The following NBL1 variants were observed in gnomAD, a reference collection of about 807,000 sequenced individuals.
The protein encoded by NBL1 is NBL1, DAN family BMP antagonist, also known as neuroblastoma suppressor of tumorigenicity 1.
A neutral mutation model predicts 16.0 loss-of-function variants in NBL1; 9 were observed. That is an observed-to-expected ratio of 0.56 (90% CI 0.34 to 0.98). NBL1 has a LOEUF of 0.98. Among genes scored for constraint, NBL1 ranks in the 50% least tolerant of loss-of-function variants. NBL1 has a pLI of 0.02. For synonymous variants in NBL1, 86 were observed against 100.7 expected (o/e 0.85, Z 0.87); for missense variants, 196 against 243.1 (o/e 0.81, Z 1.29).
chr1:19,647,688 C>T (rs775799812), intron 1 of NBL1: 1 of 985,242 alleles, frequency 1.0e-6, no homozygotes, highest in Non-Finnish European at 1.2e-6. Flanking sequence ...CGTCCGTCTC[C>T]ATCAGCTGGG....
rs771510556 is a variant in NBL1 at position 19,655,081 on chromosome 1, T to C, written c.51T>C (p.Ala17=). 8 of 1,613,082 alleles carry C rather than the reference T, an allele frequency of 5.0e-6. No homozygotes were observed. Among genetic ancestry groups the C allele is most frequent in the Non-Finnish European group, 6.8e-6 (8 of 1,179,950 alleles). ...CTGTCCTCCCTGCCATGCTACTGGCTGCCCCACCACCCATCAACAAGCTGG... is the reference window on the plus strand; with the variant it reads ...CTGTCCTCCCTGCCATGCTACTGGCCGCCCCACCACCCATCAACAAGCTGG... ...VGAVLPAMLL[A]APPPINKLAL... Residue 17 remains alanine (A), a synonymous_variant, in exon 2 of 4, where the codon GCT becomes GCC. Coordinates refer to ENST00000375136, the MANE Select transcript of NBL1 (RefSeq NM_005380.8).
chr1:19,647,757 GGAGA>G, intron 1 of NBL1: 6 of 773,174 alleles, frequency 7.8e-6, no homozygotes, highest in South Asian at 5.9e-5. Context: ...AGATGGGGAG[GGAGA>G]GCCCTGCCCT....
Position 19,657,094 on chromosome 1 carries a change from G to GC in NBL1, c.517dup (p.His173ProfsTer8). The GC allele has an allele frequency of 2.0e-6, 3 of 1,510,050 alleles. No homozygotes were observed. Among genetic ancestry groups the GC allele is most frequent in the Non-Finnish European group, 2.7e-6 (3 of 1,121,128 alleles). The allele number at this position is 1,510,050 out of a possible 1,614,324, so 93.5% of individuals were successfully genotyped here. A position where few individuals can be genotyped will look rare whatever the true frequency, so the allele number is the denominator to read the frequency against. ...CCCTGAGCCCGAGGACCCCCCTGGG[G>GC]CCCCCCACACAGAGGAAGAGGGGGC... is the stretch of plus-strand genomic sequence containing the variant. On this transcript the variant is annotated frameshift_variant, in exon 4 of 4. Coordinates refer to ENST00000375136, the MANE Select transcript of NBL1 (RefSeq NM_005380.8). LOFTEE classifies it high-confidence loss of function.
intron 1 of NBL1, chr1:19,647,804 C>T (rs183178340): frequency 1.9e-5 from 7 of 377,364 alleles, no homozygotes; most frequent in African/African-American, 8.8e-5. Flanking sequence ...CTGCCCTCCA[C>T]GGCTCTGCAC....
upstream of NBL1, chr1:19,643,413 A>G: frequency 6.2e-7 from 1 of 1,613,294 alleles, no homozygotes; most frequent in South Asian, 1.1e-5. The surrounding 1 kb of genome is among the most constrained non-coding windows in gnomAD (Gnocchi z 4.7). Context: ...TATGCTGTAA[A>G]GCAAAATCCC....
chr1:19,644,946 C>T lies in NBL1; in HGVS notation c.-20+500C>T, dbSNP rs543103269. Among the ~76,000 whole-genome samples the T allele has an allele frequency of 8.6e-4, 131 of 152,310 alleles. No individual in the cohort carries two copies. The highest frequency in any genetic ancestry group is 3.0e-3 in the African/African-American group (125 of 41,586). On this transcript the variant is annotated intron_variant, in intron 1 of 3. Coordinates refer to ENST00000375136, the MANE Select transcript of NBL1 (RefSeq NM_005380.8). This position sits in a 1 kb window ranked among gnomAD's most constrained non-coding sequence, Gnocchi z 4.6. Reference sequence around the variant, plus strand: ...GCCGCTCACTTTCCCCTGGTCTGCCCGTCTCTTTCCGTTCCCCGCCTGCCT... The same window carrying T: ...GCCGCTCACTTTCCCCTGGTCTGCCTGTCTCTTTCCGTTCCCCGCCTGCCT...
rs1157339293 is a variant in NBL1 at position 19,657,936 on chromosome 1, G to C, written c.*807G>C. 6.5e-6 allele frequency: 1 copy of C among 152,840 alleles called. No individual in the cohort carries two copies. The highest frequency in any genetic ancestry group is 1.5e-5 in the Non-Finnish European group (1 of 68,246). The allele number at this position is 152,840 out of a possible 1,614,324, so 9.5% of individuals were successfully genotyped here. A position where few individuals can be genotyped will look rare whatever the true frequency, so the allele number is the denominator to read the frequency against. On this transcript the variant is annotated 3_prime_UTR_variant, in exon 4 of 4. Transcript: ENST00000375136. ...GTTAGAAATGTTAGTGCCCCGCACT[G>C]TGCCCCAAGTTCTAGGCCCCCCAGA...
At position 19,644,459 on chromosome 1, in the gene NBL1, C is replaced by G. The variant is rs1050875813; in HGVS notation, c.-20+13C>G. ...GCGGGCGCGCGCGGTAAGTCCCGCCCGGGTCGGCACGCGGGCGCCCGGCTT... is the reference window on the plus strand; with the variant it reads ...GCGGGCGCGCGCGGTAAGTCCCGCCGGGGTCGGCACGCGGGCGCCCGGCTT... On this transcript the variant is annotated intron_variant, in intron 1 of 3. Transcript: ENST00000375136. The surrounding 1 kb of genome is among the most constrained non-coding windows in gnomAD (Gnocchi z 4.6). 2 of 978,412 alleles carry G rather than the reference C, an allele frequency of 2.0e-6. No individual in the cohort carries two copies. Among genetic ancestry groups the G allele is most frequent in the African/African-American group, 3.5e-5 (2 of 56,410 alleles). 60.6% of individuals were successfully genotyped at this position (978,412 alleles called of 1,614,324 possible).
intron 1 of NBL1, among the ~76,000 whole-genome samples, chr1:19,651,130 GC>G (rs143625024): frequency 1.6e-3 from 249 of 152,328 alleles, no homozygotes; most frequent in African/African-American, 5.6e-3. Flanking sequence ...GTTGAGAAAG[GC>G]AGTTTCTGAG....
At chr1:19,647,152 A>G (rs374321767) in intron 1 of NBL1, among the ~76,000 whole-genome samples, 1 of 152,218 alleles carries the variant, frequency 6.6e-6, no homozygotes, top group African/African-American at 2.4e-5. Flanking sequence ...CAGATGAGGA[A>G]ACTGAGGTAC....
chr1:19,654,132 A>G (rs1038409092), intron 1 of NBL1, among the ~76,000 whole-genome samples: 4 of 152,200 alleles, frequency 2.6e-5, no homozygotes, highest in Admixed American at 6.5e-5. Context: ...ACTGCAGGCC[A>G]GGTGCGGTGG....
At chr1:19,644,267 T>A, upstream of NBL1, 1 of 978,016 alleles carries the variant, frequency 1.0e-6, no homozygotes, top group Non-Finnish European at 1.2e-6. The surrounding 1 kb of genome is among the most constrained non-coding windows in gnomAD (Gnocchi z 4.6). Flanking sequence ...GGAGCCACCC[T>A]GACGTCGGAG....
At chr1:19,643,236 C>T (rs2094959118), upstream of NBL1, 7 of 1,413,764 alleles carry the variant, frequency 5.0e-6, no homozygotes, top group South Asian at 5.9e-5. This position sits in a 1 kb window ranked among gnomAD's most constrained non-coding sequence, Gnocchi z 4.7. Flanking sequence ...GGCGCAGATG[C>T]AGGCTGGGTG....
chr1:19,648,838 C>T (rs1044460489), intron 1 of NBL1, among the ~76,000 whole-genome samples: 2 of 152,096 alleles, frequency 1.3e-5, no homozygotes. Context: ...AGCCTCACGG[C>T]GCCCCCATGA....
At chr1:19,650,707 A>G (rs1334846824) in intron 1 of NBL1, among the ~76,000 whole-genome samples, 3 of 152,130 alleles carry the variant, frequency 2.0e-5, no homozygotes, top group Non-Finnish European at 4.4e-5. Flanking sequence ...GAGGCTCTCA[A>G]GGCTCAGGAA....
chr1:19,656,961 G>T lies in NBL1; in HGVS notation c.378G>T (p.Glu126Asp). 6.2e-7 allele frequency: 1 copy of T among 1,611,992 alleles called. No individual in the cohort carries two copies. The highest frequency in any genetic ancestry group is 8.5e-7 in the Non-Finnish European group (1 of 1,179,222). Residue 126 changes from glutamate (E) to aspartate (D), a missense_variant, in exon 4 of 4, where the codon GAG becomes GAT. Coordinates refer to ENST00000375136, the MANE Select transcript of NBL1 (RefSeq NM_005380.8). The part of the protein sequence containing the change: ...LHCSCQACGK[E>D]PSHEGLSVYV... ...GTAGCTGCCAGGCCTGCGGCAAGGA[G>T]CCTAGTCACGAGGGGCTGAGCGTCT...
At chr1:19,643,357 TG>T (rs1482632664), upstream of NBL1, 1 of 1,614,010 alleles carries the variant, frequency 6.2e-7, no homozygotes, top group South Asian at 1.1e-5. The surrounding 1 kb of genome is among the most constrained non-coding windows in gnomAD (Gnocchi z 4.7). Flanking sequence ...TGTGTCTATC[TG>T]GAAGTTTCCA....
At chr1:19,645,021 C>G (rs1558358822) in intron 1 of NBL1, among the ~76,000 whole-genome samples, 8 of 152,222 alleles carry the variant, frequency 5.3e-5, no homozygotes, top group Admixed American at 3.9e-4. Context: ...TTTTCTCTCC[C>G]TCTCTCTGTC....
intron 1 of NBL1, chr1:19,646,162 C>T: frequency 9.0e-7 from 1 of 1,115,050 alleles, no homozygotes; most frequent in Non-Finnish European, 1.3e-6. Context: ...CTCATGCTCT[C>T]CCCAGTGCTG....
Sources: gnomAD v4.1 joint callset for allele counts (sites outside exome capture counted in the v4.1 genomes callset) on GRCh38, gnomAD v4.1.1 for gene constraint, Gnocchi (gnomAD v3.1) non-coding constraint, MANE v1.5 for transcripts, NCBI Gene and HGNC (gene_info 2026-07-23, HGNC 2026-07-21) for gene names.